Variants in DPP10 observed in about 807,000 individuals in gnomAD.
The protein encoded by DPP10 is inactive dipeptidyl peptidase 10.
In DPP10, 33 loss-of-function variants were observed where a neutral mutation model predicts 120.9. The ratio of observed to expected loss-of-function variants is 0.27; its 90% CI spans 0.21 to 0.37. The LOEUF is 0.37. Among genes scored for constraint, DPP10 ranks in the 10% least tolerant of loss-of-function variants. The pLI, the probability that DPP10 is intolerant of heterozygous loss-of-function variation, is 1.00. For synonymous variants in DPP10, 337 were observed against 326.1 expected, an observed-to-expected ratio of 1.03 and a Z score of -0.36; for missense variants, 816 against 942.8, an observed-to-expected ratio of 0.87 and a Z score of 1.76.
intron 3 of DPP10, among the ~76,000 whole-genome samples, chr2:115,379,973 G>A (rs377581076): frequency 6.6e-6 from 1 of 152,080 alleles, no homozygotes; most frequent in African/African-American, 2.4e-5. Context: ...TTACTTCCAA[G>A]TATGTGGTCA....
chr2:115,471,613 G>A (rs946686431), intron 3 of DPP10, among the ~76,000 whole-genome samples: 1 of 149,412 alleles, frequency 6.7e-6, no homozygotes, highest in South Asian at 2.1e-4. Context: ...TTGAGACAAG[G>A]TCTCACACTC....
At chr2:114,660,861 T>C (rs774785189) in intron 1 of DPP10, among the ~76,000 whole-genome samples, 3 of 152,230 alleles carry the variant, frequency 2.0e-5, no homozygotes, top group Non-Finnish European at 2.9e-5. Context: ...ATAAATGAAC[T>C]GCAACTCTTA....
chr2:114,881,046 T>A, intron 1 of DPP10, among the ~76,000 whole-genome samples: 1 of 152,104 alleles, frequency 6.6e-6, no homozygotes, highest in South Asian at 2.1e-4. Context: ...GTGTACTCAA[T>A]CCCATATGTC....
chr2:114,462,196 CCGA>C (rs1678980249), intron 1 of DPP10: 1 of 978,466 alleles, frequency 1.0e-6, no homozygotes, highest in African/African-American at 1.8e-5. Flanking sequence ...TTGATATTTA[CCGA>C]CAAGTTGCGA....
intron 19 of DPP10, among the ~76,000 whole-genome samples, chr2:115,803,716 C>T (rs1685554388): frequency 6.6e-6 from 1 of 152,102 alleles, no homozygotes; most frequent in African/African-American, 2.4e-5. Flanking sequence ...ATATGAAATT[C>T]TGGGTTGAAA....
intron 11 of DPP10, among the ~76,000 whole-genome samples, chr2:115,758,883 A>T (rs1270133397): frequency 2.0e-5 from 3 of 152,036 alleles, no homozygotes; most frequent in Non-Finnish European, 2.9e-5. Flanking sequence ...CCGATTGGAT[A>T]AAAAAAATTG....
intron 1 of DPP10, among the ~76,000 whole-genome samples, chr2:115,112,236 T>G (rs2049263338): frequency 6.6e-6 from 1 of 152,150 alleles, no homozygotes; most frequent in Non-Finnish European, 1.5e-5. Flanking sequence ...TTATTATTCT[T>G]CCCTTTGTCT....
intron 1 of DPP10, among the ~76,000 whole-genome samples, chr2:114,646,639 C>T (rs1353646944): frequency 2.0e-5 from 3 of 152,282 alleles, no homozygotes; most frequent in African/African-American, 7.2e-5. Flanking sequence ...GAGGAGACAG[C>T]ACTAAGTCCT....
At chr2:115,256,098 A>G (rs1274230982) in intron 1 of DPP10, among the ~76,000 whole-genome samples, 3 of 152,218 alleles carry the variant, frequency 2.0e-5, no homozygotes, top group Non-Finnish European at 4.4e-5. Flanking sequence ...TAATTTATAA[A>G]GGAAAGAAGT....
At chr2:115,568,407 C>T (rs750222880) in intron 5 of DPP10, among the ~76,000 whole-genome samples, 11 of 151,770 alleles carry the variant, frequency 7.2e-5, no homozygotes, top group Non-Finnish European at 1.5e-4. Flanking sequence ...CGCTTGAATC[C>T]GGGAGGCAGA....
intron 5 of DPP10, among the ~76,000 whole-genome samples, chr2:115,628,782 T>G (rs185884619): frequency 3.8e-4 from 58 of 152,088 alleles, no homozygotes; most frequent in African/African-American, 1.2e-3. Flanking sequence ...TATTTATTTA[T>G]TTAGTTTTTG....
chr2:114,560,576 G>C (rs1178666130), intron 1 of DPP10, among the ~76,000 whole-genome samples: 1 of 152,116 alleles, frequency 6.6e-6, no homozygotes, highest in South Asian at 2.1e-4. Flanking sequence ...CCTGGGTGAG[G>C]AGAGAGTGGG....
intron 1 of DPP10, among the ~76,000 whole-genome samples, chr2:114,474,394 A>G (rs1317166565): frequency 6.6e-6 from 1 of 152,192 alleles, no homozygotes; most frequent in Non-Finnish European, 1.5e-5. Flanking sequence ...AGCCAACCAC[A>G]CTGGCCCTTC....
At chr2:115,501,375 A>G (rs567131592) in intron 4 of DPP10, among the ~76,000 whole-genome samples, 46 of 152,218 alleles carry the variant, frequency 3.0e-4, no homozygotes, top group African/African-American at 1.1e-3. Flanking sequence ...TTTTGCTGGT[A>G]CTACACACCA....
At chr2:115,682,944 C>T (rs779362158) in intron 5 of DPP10, among the ~76,000 whole-genome samples, 2 of 151,716 alleles carry the variant, frequency 1.3e-5, no homozygotes, top group Non-Finnish European at 3.0e-5. Context: ...CCCAAATAAA[C>T]CAAAGAAAAG....
intron 1 of DPP10, among the ~76,000 whole-genome samples, chr2:114,686,288 G>T (rs946688688): frequency 6.6e-6 from 1 of 151,834 alleles, no homozygotes; most frequent in Non-Finnish European, 1.5e-5. Flanking sequence ...AATAATAGTA[G>T]CTACTTTAAA....
rs1290005175 is a variant in DPP10, at chr2:115,108,479, C to G, written c.61-200760C>G. Among the ~76,000 whole-genome samples, 4 of 152,276 alleles carry G rather than the reference C, an allele frequency of 2.6e-5. No homozygotes were observed. The East Asian group carries it at 5.8e-4, about 22-fold the overall frequency. ...AAGTCAGAAATCCAATTCTTTATGT[C>G]AACTCAGTCTCAGTTAAATGCAGGT... is the stretch of plus-strand genomic sequence containing the variant. On this transcript the variant is annotated intron_variant, in intron 1 of 25. Transcript: ENST00000410059.
At chr2:115,706,447 T>C (rs554220568) in intron 7 of DPP10, among the ~76,000 whole-genome samples, 12 of 151,984 alleles carry the variant, frequency 7.9e-5, no homozygotes, top group Non-Finnish European at 1.5e-4. Context: ...CATGGGATTG[T>C]AGATTTTCTA....
At chr2:114,845,217 C>T (rs1035789529) in intron 1 of DPP10, among the ~76,000 whole-genome samples, 7 of 152,024 alleles carry the variant, frequency 4.6e-5, no homozygotes, top group Admixed American at 3.3e-4. Flanking sequence ...GGGATGCTAA[C>T]GGATGAGACT....
Sources: allele counts gnomAD v4.1 joint callset (sites outside exome capture counted in the v4.1 genomes callset), GRCh38; gene constraint gnomAD v4.1.1; transcripts MANE v1.5; gene names NCBI Gene and HGNC (gene_info 2026-07-23, HGNC 2026-07-21).